Variants in GRIK2 observed in about 807,000 individuals in gnomAD.
The protein encoded by GRIK2 is glutamate ionotropic receptor kainate type subunit 2.
In GRIK2, 32 loss-of-function variants were observed where a neutral mutation model predicts 100.3. The ratio of observed to expected loss-of-function variants is 0.32; its 90% CI spans 0.24 to 0.43. The LOEUF is 0.43. Among genes scored for constraint, GRIK2 ranks in the 20% least tolerant of loss-of-function variants. The pLI is 1.00. For missense variants in GRIK2, 843 were observed against 1,114.9 expected, an observed-to-expected ratio of 0.76 and a Z score of 3.47; for synonymous variants, 417 against 389.4, an observed-to-expected ratio of 1.07 and a Z score of -0.83.
chr6:101,609,996 AG>A (rs1297767665), intron 2 of GRIK2, among the ~76,000 whole-genome samples: 1 of 151,738 alleles, frequency 6.6e-6, no homozygotes, highest in Non-Finnish European at 1.5e-5. Context: ...AGTTTTAAAA[AG>A]GGGGAAACCA....
chr6:101,723,382 C>G (rs190548252), intron 7 of GRIK2, among the ~76,000 whole-genome samples: 1 of 152,100 alleles, frequency 6.6e-6, no homozygotes, highest in African/African-American at 2.4e-5. Context: ...AAGTTTTCCA[C>G]TGTAGCATCT....
At chr6:101,642,495 C>T (rs961526846) in intron 4 of GRIK2, among the ~76,000 whole-genome samples, 2 of 151,618 alleles carry the variant, frequency 1.3e-5, no homozygotes, top group African/African-American at 2.4e-5. Flanking sequence ...CAGTGTTTGT[C>T]TTTTTGTACT....
chr6:101,775,939 T>G (rs2128399794), intron 7 of GRIK2, among the ~76,000 whole-genome samples: 1 of 152,096 alleles, frequency 6.6e-6, no homozygotes, highest in South Asian at 2.1e-4. Flanking sequence ...CATCATGCAG[T>G]TTCTGAAATT....
intron 7 of GRIK2, among the ~76,000 whole-genome samples, chr6:101,721,304 C>T (rs1263603280): frequency 6.6e-6 from 1 of 151,966 alleles, no homozygotes; most frequent in East Asian, 1.9e-4. Context: ...CCTGCAATCC[C>T]AACATTTTGG....
At chr6:101,828,457 CAT>C (rs1178392625) in intron 10 of GRIK2, among the ~76,000 whole-genome samples, 1 of 151,614 alleles carries the variant, frequency 6.6e-6, no homozygotes, top group Non-Finnish European at 1.5e-5. Flanking sequence ...ACCCAGAAAA[CAT>C]ATAAAGGATC....
At chr6:101,740,402 T>C (rs948828367) in intron 7 of GRIK2, among the ~76,000 whole-genome samples, 6 of 151,898 alleles carry the variant, frequency 4.0e-5, no homozygotes, top group Non-Finnish European at 7.4e-5. Flanking sequence ...TTATTATTTA[T>C]ACCCAATAAC....
At chr6:101,883,289 A>AAAAAAT (rs1554279930) in intron 11 of GRIK2, among the ~76,000 whole-genome samples, 2 of 144,310 alleles carry the variant, frequency 1.4e-5, no homozygotes, top group East Asian at 4.1e-4. Context: ...TCTCTTTGGC[A>AAAAAAT]AATAATAATA....
At chr6:101,777,944 G>A (rs1429728074) in intron 7 of GRIK2, among the ~76,000 whole-genome samples, 3 of 152,156 alleles carry the variant, frequency 2.0e-5, no homozygotes, top group Non-Finnish European at 2.9e-5. Context: ...CCTCTGGGGG[G>A]TAATACATTC....
At chr6:101,797,531 C>A (rs948059801) in intron 7 of GRIK2, among the ~76,000 whole-genome samples, 27 of 149,722 alleles carry the variant, frequency 1.8e-4, no homozygotes, top group African/African-American at 6.6e-4. Flanking sequence ...TATAAGTATA[C>A]ATGCATGTGT....
At chr6:101,927,345 G>C in intron 13 of GRIK2, 3 of 713,280 alleles carry the variant, frequency 4.2e-6, no homozygotes, top group Non-Finnish European at 5.2e-6. Context: ...CTGTAAGTCC[G>C]TCTTTGCTTC....
chr6:101,440,143 T>C (rs1769961439), intron 2 of GRIK2, among the ~76,000 whole-genome samples: 1 of 151,924 alleles, frequency 6.6e-6, no homozygotes. Context: ...AATGATGGGG[T>C]ATCAAAGAAA....
At chr6:102,006,680 A>T (rs1795257887) in intron 14 of GRIK2, among the ~76,000 whole-genome samples, 1 of 151,604 alleles carries the variant, frequency 6.6e-6, no homozygotes, top group Admixed American at 6.6e-5. Flanking sequence ...GCATACTGTC[A>T]TACTGAGATA....
At chr6:101,903,522 C>T (rs79206863) in intron 12 of GRIK2, among the ~76,000 whole-genome samples, 1,955 of 151,782 alleles carry the variant, frequency 0.013, 44 homozygotes, top group African/African-American at 0.045. Context: ...ACGTAAACAA[C>T]GTATGAATAG....
chr6:101,423,392 G>A (rs547756251), intron 2 of GRIK2, among the ~76,000 whole-genome samples: 1 of 152,236 alleles, frequency 6.6e-6, no homozygotes, highest in African/African-American at 2.4e-5. Flanking sequence ...CATAGCAACA[G>A]CACCATTTTA....
intron 12 of GRIK2, among the ~76,000 whole-genome samples, chr6:101,913,475 T>A (rs1344621282): frequency 6.6e-6 from 1 of 151,594 alleles, no homozygotes; most frequent in East Asian, 1.9e-4. Flanking sequence ...TTTTCAGTAT[T>A]GTTCTAATGC....
intron 2 of GRIK2, among the ~76,000 whole-genome samples, chr6:101,583,102 G>A (rs1045325529): frequency 1.3e-5 from 2 of 152,270 alleles, no homozygotes; most frequent in Admixed American, 6.5e-5. Flanking sequence ...AGGGAGCAGT[G>A]GAAGCAGAAG....
At chr6:101,639,598 G>GCATACATACATACATA (rs3056158) in intron 4 of GRIK2, among the ~76,000 whole-genome samples, 4 of 150,990 alleles carry the variant, frequency 2.6e-5, no homozygotes, top group Non-Finnish European at 5.9e-5. Context: ...CTCAATACAT[G>GCATACATACATACATA]CATACATACA....
At chr6:101,911,220 G>A (rs1788665184) in intron 12 of GRIK2, among the ~76,000 whole-genome samples, 1 of 151,412 alleles carries the variant, frequency 6.6e-6, no homozygotes. Context: ...TGCCAATCAG[G>A]AAGTTGGGGC....
chr6:101,494,971 T>TTATCTATATATATATATATA (rs1554209025), intron 2 of GRIK2, among the ~76,000 whole-genome samples: 1 of 107,984 alleles, frequency 9.3e-6, no homozygotes, highest in African/African-American at 3.5e-5. Context: ...ATATATGCAT[T>TTATCTATATATATATATATA]TATATATATA....
Sources: gnomAD v4.1 joint callset for allele counts (sites outside exome capture counted in the v4.1 genomes callset) on GRCh38, gnomAD v4.1.1 for gene constraint, MANE v1.5 for transcripts, NCBI Gene and HGNC (gene_info 2026-07-23, HGNC 2026-07-21) for gene names.